The following DHRS7B variants were observed in gnomAD, a reference collection of about 807,000 sequenced individuals.
DHRS7B encodes peroxisomal reductase activating PPAR-gamma.
Under a neutral mutation model 26.4 loss-of-function variants are expected in DHRS7B, and 24 were observed. That is an observed-to-expected ratio of 0.91 (90% CI 0.66 to 1.28). DHRS7B has a LOEUF of 1.28. Ranked by LOEUF, DHRS7B falls within the 50% of genes most tolerant of loss-of-function variation. The pLI is 0.00. For synonymous variants in DHRS7B, 142 were observed against 166.4 expected, an observed-to-expected ratio of 0.85 and a Z score of 1.13; for missense variants, 368 against 419.4, an observed-to-expected ratio of 0.88 and a Z score of 1.07.
chr17:21,148,037 G>C (rs1423737280), intron 1 of DHRS7B, among the ~76,000 whole-genome samples: 2 of 152,034 alleles, frequency 1.3e-5, no homozygotes, highest in Non-Finnish European at 2.9e-5. Flanking sequence ...GTAACATGGT[G>C]AGATAGTGTC....
At chr17:21,137,115 C>T (rs181527706) in intron 1 of DHRS7B, among the ~76,000 whole-genome samples, 9 of 150,412 alleles carry the variant, frequency 6.0e-5, no homozygotes, top group Non-Finnish European at 1.2e-4. Flanking sequence ...GGATTACAGG[C>T]GCCTGCCATC....
chr17:21,140,538 A>ACACCCC (rs972677956), intron 1 of DHRS7B, among the ~76,000 whole-genome samples: 12 of 134,852 alleles, frequency 8.9e-5, no homozygotes, highest in Admixed American at 3.1e-4. Context: ...ACACACACAC[A>ACACCCC]CCCTGACACC....
intron 1 of DHRS7B, among the ~76,000 whole-genome samples, chr17:21,154,588 A>G (rs1480944178): frequency 3.9e-5 from 6 of 152,230 alleles, no homozygotes; most frequent in Non-Finnish European, 8.8e-5. Flanking sequence ...AGAAACTCTG[A>G]TCTACATAAA....
At chr17:21,190,210 C>T (rs910424087) in intron 6 of DHRS7B, among the ~76,000 whole-genome samples, 1 of 151,980 alleles carries the variant, frequency 6.6e-6, no homozygotes, top group Non-Finnish European at 1.5e-5. Context: ...TGCTAGTGGC[C>T]GCTCCTGTGT....
At chr17:21,127,451 A>G in intron 1 of DHRS7B, 1 of 162,942 alleles carries the variant, frequency 6.1e-6, no homozygotes, top group Non-Finnish European at 1.3e-5. Context: ...CTAGCAAAGG[A>G]AGTCCGGTTT....
At chr17:21,132,947 C>T (rs1286075858) in intron 1 of DHRS7B, among the ~76,000 whole-genome samples, 2 of 152,058 alleles carry the variant, frequency 1.3e-5, no homozygotes, top group Admixed American at 1.3e-4. Flanking sequence ...AGAATGTGGG[C>T]TTCAGAGTCT....
In DHRS7B at chr17:21,183,870, T is replaced by C. The variant is rs186435444; in HGVS notation, c.526+60T>C. 14 of 1,453,684 alleles carry C rather than the reference T, an allele frequency of 9.6e-6. No individual in the cohort carries two copies. The Admixed American group carries it at 1.0e-4, about 11-fold the overall frequency. 90.0% of individuals were successfully genotyped at this position (1,453,684 alleles called of 1,614,324 possible). On this transcript the variant is annotated intron_variant, in intron 4 of 6. Coordinates refer to ENST00000395511, the MANE Select transcript of DHRS7B (RefSeq NM_015510.5). ...TATGTTGGCATTCTTTTTACTTCAC[T>C]TGGATCCTTTTCAGCTAAACGTTCC...
intron 3 of DHRS7B, among the ~76,000 whole-genome samples, chr17:21,178,919 C>T (rs1052403214): frequency 1.3e-5 from 2 of 152,076 alleles, no homozygotes; most frequent in Admixed American, 6.5e-5. Context: ...TCCCAAAGTG[C>T]TGGGATTACA....
intron 1 of DHRS7B, chr17:21,166,126 GC>G (rs928966053): frequency 1.9e-5 from 19 of 984,556 alleles, no homozygotes; most frequent in African/African-American, 3.5e-5. Flanking sequence ...ACCTTTCTCC[GC>G]CCCCCCTCAC....
At chr17:21,180,724 T>A (rs185126444) in intron 3 of DHRS7B, among the ~76,000 whole-genome samples, 19 of 152,262 alleles carry the variant, frequency 1.2e-4, no homozygotes, top group Admixed American at 9.8e-4. Flanking sequence ...CCATACTGTT[T>A]TAATTGCTGT....
At position 21,140,125 on chromosome 17, in the gene DHRS7B, C is replaced by T. The variant is rs567953038; in HGVS notation, c.20+13134C>T. On this transcript the variant is annotated intron_variant, in intron 1 of 6. Transcript: ENST00000395511. ...CTGCAAGCTCCGCCCCCTGGGTTCA[C>T]GCCATTCTCTTGCCTCAGCCTCCCC... 1.4e-4 allele frequency among the ~76,000 whole-genome samples: 21 copies of T among 148,934 alleles called. No individual in the cohort carries two copies. The South Asian group carries it at 1.5e-3, about 11-fold the overall frequency.
intron 1 of DHRS7B, among the ~76,000 whole-genome samples, chr17:21,150,450 C>A (rs989585542): frequency 6.6e-6 from 1 of 152,044 alleles, no homozygotes; most frequent in East Asian, 1.9e-4. Flanking sequence ...AACCCCGTCT[C>A]TACTACAAAT....
chr17:21,136,955 A>T lies in DHRS7B; in HGVS notation c.20+9964A>T, dbSNP rs906683839. Reference sequence around the variant, plus strand: ...ATATTAAAGTTTTTTGGCTTTTAAAATTTTTTTTATTTTTATTTCTTTTTT... The same window carrying T: ...ATATTAAAGTTTTTTGGCTTTTAAATTTTTTTTTATTTTTATTTCTTTTTT... On this transcript the variant is annotated intron_variant, in intron 1 of 6. Coordinates refer to ENST00000395511, the MANE Select transcript of DHRS7B (RefSeq NM_015510.5). Among the ~76,000 whole-genome samples, 18 of 151,370 alleles carry T rather than the reference A, an allele frequency of 1.2e-4. No individual in the cohort carries two copies. In the East Asian group the frequency reaches 1.6e-3, roughly 13 times the overall value.
At chr17:21,161,216 T>C (rs1973993416) in intron 1 of DHRS7B, among the ~76,000 whole-genome samples, 1 of 152,224 alleles carries the variant, frequency 6.6e-6, no homozygotes, top group African/African-American at 2.4e-5. Flanking sequence ...GTAACAATGA[T>C]GTGACAGCAT....
chr17:21,164,466 G>A (rs1201989041), intron 1 of DHRS7B, among the ~76,000 whole-genome samples: 1 of 152,188 alleles, frequency 6.6e-6, no homozygotes, highest in Non-Finnish European at 1.5e-5. Context: ...TTGGCATCTT[G>A]TCTGTCTTGT....
chr17:21,151,997 T>C (rs1394140521), intron 1 of DHRS7B, among the ~76,000 whole-genome samples: 4 of 152,194 alleles, frequency 2.6e-5, no homozygotes, highest in African/African-American at 7.2e-5. Flanking sequence ...GCTCCCACTC[T>C]CAACTACTCC....
chr17:21,172,162 G>A lies in DHRS7B; in HGVS notation c.165G>A (p.Val55=), dbSNP rs1356359905. ...AGGCCTACCTGCGGAATGCTGTGGTGGTGATCACAGGCGCCACCTCAGGGC... is the reference window on the plus strand; with the variant it reads ...AGGCCTACCTGCGGAATGCTGTGGTAGTGATCACAGGCGCCACCTCAGGGC... ...RGKAYLRNAV[V]VITGATSGLG... is the part of the protein sequence containing the mutation. Residue 55 remains valine (V), a synonymous_variant, in exon 2 of 7, where the codon GTG becomes GTA. Transcript: ENST00000395511. The A allele has an allele frequency of 6.2e-7, 1 of 1,613,658 alleles. No individual in the cohort carries two copies. The highest frequency in any genetic ancestry group is 1.3e-5 in the African/African-American group (1 of 75,050).
chr17:21,129,704 C>CAAAAAAAAAAAAAAAAAAAAA (rs61077377), intron 1 of DHRS7B, among the ~76,000 whole-genome samples: 11 of 74,758 alleles, frequency 1.5e-4, no homozygotes, highest in East Asian at 4.3e-4. Context: ...GACCCTGACT[C>CAAAAAAAAAAAAAAAAAAAAA]AAAAAAAAAA....
rs200914428 is a variant in DHRS7B, at chr17:21,191,151, T to C, written c.976T>C (p.Ter326GlnextTer27). The C allele has an allele frequency of 1.2e-6, 2 of 1,613,230 alleles. No homozygotes were observed. The highest frequency in any genetic ancestry group is 4.5e-5 in the East Asian group (2 of 44,884). Residue 326 changes from the stop codon to glutamine, a stop_lost, in exon 7 of 7, where the codon TAG (stop) becomes CAG (glutamine). Transcript: ENST00000395511. ...AAAAGAGCGGAAATCCAAGAACTCC[T>C]AGTACTCTGACCAGCCAGGGCCAGG... ...ARKERKSKNS[*>Q] is the part of the protein sequence containing the mutation.
Sources: allele counts gnomAD v4.1 joint callset (sites outside exome capture counted in the v4.1 genomes callset), GRCh38; gene constraint gnomAD v4.1.1; transcripts MANE v1.5; gene names NCBI Gene and HGNC (gene_info 2026-07-23, HGNC 2026-07-21).